ZNF704: variants seen among roughly 807,000 people sequenced by gnomAD.
ZNF704 encodes the protein zinc finger protein 704, also known as glucocorticoid induced gene 1.
Under a neutral mutation model 44.7 loss-of-function variants are expected in ZNF704, and 10 were observed. The ratio of observed to expected loss-of-function variants is 0.22; its 90% confidence interval spans 0.14 to 0.38. The LOEUF is 0.38. Among genes scored for constraint, ZNF704 ranks in the 10% least tolerant of loss-of-function variants. The pLI is 1.00. For synonymous variants in ZNF704, 211 were observed against 207.6 expected (o/e 1.02, Z -0.14); for missense variants, 390 against 545.5 (o/e 0.71, Z 2.84).
At chr8:80,732,952 TAAAAAAAAAA>T (rs59640222) in intron 2 of ZNF704, among the ~76,000 whole-genome samples, 5 of 78,660 alleles carry the variant, frequency 6.4e-5, no homozygotes, top group African/African-American at 2.1e-4. Flanking sequence ...AGACCTTGCC[TAAAAAAAAAA>T]AAAAAAAAAA....
chr8:80,716,682 TA>T (rs1819077538), intron 2 of ZNF704, among the ~76,000 whole-genome samples: 1 of 152,262 alleles, frequency 6.6e-6, no homozygotes, highest in South Asian at 2.1e-4. Context: ...GTTCATAACT[TA>T]GCAAGTTCAA....
At chr8:80,750,869 T>C (rs1031384115) in intron 2 of ZNF704, among the ~76,000 whole-genome samples, 6 of 152,264 alleles carry the variant, frequency 3.9e-5, no homozygotes, top group Middle Eastern at 6.8e-3. Context: ...TCAAAAGCCA[T>C]GTGTGGCTAC....
intron 2 of ZNF704, among the ~76,000 whole-genome samples, chr8:80,778,599 A>C (rs1807453984): frequency 6.6e-6 from 1 of 152,208 alleles, no homozygotes; most frequent in African/African-American, 2.4e-5. Context: ...AAGACATGGA[A>C]TCAACCTAAA....
At chr8:80,815,745 C>A (rs1808167106) in intron 2 of ZNF704, among the ~76,000 whole-genome samples, 1 of 152,190 alleles carries the variant, frequency 6.6e-6, no homozygotes, top group Non-Finnish European at 1.5e-5. Context: ...TCTGTTTACT[C>A]ATTTGCAAAA....
intron 2 of ZNF704, among the ~76,000 whole-genome samples, chr8:80,771,648 A>G (rs1289779233): frequency 1.3e-5 from 2 of 152,194 alleles, no homozygotes; most frequent in Non-Finnish European, 2.9e-5. Context: ...ATCTACAAAT[A>G]GGGACAGTTT....
chr8:80,756,911 A>C (rs548524880), intron 2 of ZNF704, among the ~76,000 whole-genome samples: 12 of 152,304 alleles, frequency 7.9e-5, no homozygotes, highest in Middle Eastern at 3.4e-3. Context: ...AAGAGTGTGC[A>C]AAGGGGCAAG....
intron 4 of ZNF704, among the ~76,000 whole-genome samples, chr8:80,683,229 G>T (rs942691398): frequency 1.9e-4 from 29 of 152,160 alleles, no homozygotes; most frequent in African/African-American, 6.5e-4. Context: ...AAATCCCAGA[G>T]GAAAAATTCT....
At chr8:80,647,941 C>A (rs1338556242) in intron 7 of ZNF704, among the ~76,000 whole-genome samples, 1 of 152,090 alleles carries the variant, frequency 6.6e-6, no homozygotes, top group Non-Finnish European at 1.5e-5. Context: ...TTATAATAAG[C>A]AGAAATTTAT....
intron 2 of ZNF704, among the ~76,000 whole-genome samples, chr8:80,711,662 C>T (rs759718096): frequency 8.5e-5 from 13 of 152,206 alleles, no homozygotes; most frequent in South Asian, 6.2e-4. Context: ...CCAGGGGATA[C>T]GAGAAACTAC....
rs1416708891 is a variant in ZNF704, at chr8:80,637,037, ACCACCC to A, written c.*4323_*4328del. On this transcript the variant is annotated 3_prime_UTR_variant, in exon 9 of 9. Coordinates refer to ENST00000327835, the MANE Select transcript of ZNF704 (RefSeq NM_001033723.3). ...AAAAGCCTTACGTGAGTCTAGGAAT[ACCACCC>A]CCACCCCGTCCCCCTCCCCCACCCC... 6.6e-6 allele frequency: 1 copy of A among 151,724 alleles called. No homozygotes were observed. The highest frequency in any genetic ancestry group is 1.5e-5 in the Non-Finnish European group (1 of 67,974). The allele number at this position is 151,724 out of a possible 1,614,324, so 9.4% of individuals were successfully genotyped here.
At chr8:80,838,278 G>A (rs1363678585) in intron 1 of ZNF704, among the ~76,000 whole-genome samples, 1 of 152,150 alleles carries the variant, frequency 6.6e-6, no homozygotes, top group Non-Finnish European at 1.5e-5. Flanking sequence ...TTTCAAAAAC[G>A]CAGTTAGAAC....
chr8:80,771,936 T>G (rs1355434052), intron 2 of ZNF704, among the ~76,000 whole-genome samples: 1 of 152,184 alleles, frequency 6.6e-6, no homozygotes, highest in Non-Finnish European at 1.5e-5. Context: ...GTGATTGATA[T>G]GATTATGTGA....
intron 2 of ZNF704, among the ~76,000 whole-genome samples, chr8:80,740,323 G>A (rs1358852709): frequency 6.6e-6 from 1 of 152,130 alleles, no homozygotes. Context: ...AATCCATCCT[G>A]AAGTCTGGGC....
chr8:80,853,561 TAAAA>T (rs1042307291), intron 1 of ZNF704, among the ~76,000 whole-genome samples: 1 of 150,640 alleles, frequency 6.6e-6, no homozygotes, highest in African/African-American at 2.4e-5. Context: ...AAAAAAAAAT[TAAAA>T]AAAAGACAAC....
At chr8:80,816,439 G>A (rs532867747) in intron 2 of ZNF704, among the ~76,000 whole-genome samples, 1 of 152,248 alleles carries the variant, frequency 6.6e-6, no homozygotes, top group South Asian at 2.1e-4. Flanking sequence ...AAAATATTTT[G>A]GCAAATGAAT....
At chr8:80,669,273 G>A (rs377296153) in intron 5 of ZNF704, among the ~76,000 whole-genome samples, 15 of 152,308 alleles carry the variant, frequency 9.8e-5, no homozygotes, top group African/African-American at 3.6e-4. Context: ...GAATTGTCTT[G>A]ACGATGAGAT....
At chr8:80,826,716 C>T (rs1808383670) in intron 1 of ZNF704, among the ~76,000 whole-genome samples, 1 of 152,148 alleles carries the variant, frequency 6.6e-6, no homozygotes, top group African/African-American at 2.4e-5. Flanking sequence ...TATCACAAAG[C>T]TTATCCACCA....
At chr8:80,835,497 C>T (rs1808543249) in intron 1 of ZNF704, among the ~76,000 whole-genome samples, 1 of 152,080 alleles carries the variant, frequency 6.6e-6, no homozygotes, top group Admixed American at 6.5e-5. Context: ...GTAGGTAATC[C>T]ACATGCTGCA....
At chr8:80,763,329 T>C (rs1237843996) in intron 2 of ZNF704, among the ~76,000 whole-genome samples, 1 of 152,198 alleles carries the variant, frequency 6.6e-6, no homozygotes, top group Non-Finnish European at 1.5e-5. Flanking sequence ...ATTCCAGACA[T>C]CCAGGTGTTT....
Sources: gnomAD v4.1 joint callset for allele counts (sites outside exome capture counted in the v4.1 genomes callset) on GRCh38, gnomAD v4.1.1 for gene constraint, MANE v1.5 for transcripts, NCBI Gene and HGNC (gene_info 2026-07-23, HGNC 2026-07-21) for gene names.